PPP3CC: variants seen among roughly 807,000 people sequenced by gnomAD.
PPP3CC encodes the protein serine/threonine-protein phosphatase 2B catalytic subunit gamma isoform.
A neutral mutation model predicts 60.3 loss-of-function variants in PPP3CC; 35 were observed. The observed-to-expected ratio is 0.58, with a 90% CI of 0.44 to 0.77. The LOEUF (loss-of-function observed/expected upper bound fraction) is 0.77. Ranked by LOEUF, PPP3CC falls within the 30% of genes least tolerant of loss-of-function variation. The pLI is 0.00. For missense variants in PPP3CC, 570 were observed against 628.9 expected (o/e 0.91, Z 1.00); for synonymous variants, 206 against 224.3 (o/e 0.92, Z 0.73).
intron 3 of PPP3CC, 34 bp downstream of exon 3, chr8:22,475,658 T>C (rs1586811832): frequency 7.2e-6 from 11 of 1,533,396 alleles, no homozygotes; most frequent in South Asian, 1.3e-5. Context: ...GGGACTATTA[T>C]ATTGTCTTTC....
rs752303443 is a variant in PPP3CC, at chr8:22,441,470, G to C, written c.49+12G>C. 1.3e-6 allele frequency: 2 copies of C among 1,531,432 alleles called. No individual in the cohort carries two copies. The highest frequency in any genetic ancestry group is 8.8e-7 in the Non-Finnish European group (1 of 1,137,960). 94.9% of individuals were successfully genotyped at this position (1,531,432 alleles called of 1,614,324 possible). A position where few individuals can be genotyped will look rare whatever the true frequency, so the allele number is the denominator to read the frequency against. On this transcript the variant is annotated intron_variant, in intron 1 of 13. Coordinates refer to ENST00000240139, the MANE Select transcript of PPP3CC (RefSeq NM_005605.5). ...CCGCGTCATCAAAGGTGCCTGGCGG[G>C]CCGGGCCTTCCTCTGGGACCCGCGG...
intron 4 of PPP3CC, among the ~76,000 whole-genome samples, chr8:22,509,549 T>C (rs893961943): frequency 6.6e-6 from 1 of 152,198 alleles, no homozygotes; most frequent in Admixed American, 6.5e-5. Context: ...TTTTTCTCTT[T>C]AAACACCCAT....
chr8:22,514,190 G>A (rs1163646612), intron 6 of PPP3CC, among the ~76,000 whole-genome samples: 1 of 147,508 alleles, frequency 6.8e-6, no homozygotes, highest in African/African-American at 2.5e-5. Flanking sequence ...GTAGGTTGCA[G>A]TGAGCCAAGA....
chr8:22,468,773 A>G (rs2132458027), intron 1 of PPP3CC, among the ~76,000 whole-genome samples: 1 of 152,358 alleles, frequency 6.6e-6, no homozygotes, highest in East Asian at 1.9e-4. Context: ...CCTTTTAAAT[A>G]GAGAAAGTAT....
At chr8:22,483,669 A>G (rs1586820463) in intron 3 of PPP3CC, among the ~76,000 whole-genome samples, 1 of 152,198 alleles carries the variant, frequency 6.6e-6, no homozygotes, top group East Asian at 1.9e-4. Context: ...AAACCCTATT[A>G]CAATTTCACT....
chr8:22,445,102 C>G (rs1836783576), intron 1 of PPP3CC, among the ~76,000 whole-genome samples: 1 of 152,164 alleles, frequency 6.6e-6, no homozygotes, highest in Non-Finnish European at 1.5e-5. Flanking sequence ...CTCCCTTTCT[C>G]TTAGAATTCA....
rs556546643 is a variant in PPP3CC, at chr8:22,491,346, A to T, written c.373-6655A>T. ...CTCACATCCCTCCTTCCAGAATATGATTTTATCTCATATTATAATACTTGC... is the reference window on the plus strand; with the variant it reads ...CTCACATCCCTCCTTCCAGAATATGTTTTTATCTCATATTATAATACTTGC... On this transcript the variant is annotated intron_variant, in intron 3 of 13. Transcript: ENST00000240139. 2.6e-5 allele frequency among the ~76,000 whole-genome samples: 4 copies of T among 152,214 alleles called. No individual in the cohort carries two copies. The South Asian group carries it at 8.3e-4, about 32-fold the overall frequency.
intron 12 of PPP3CC, among the ~76,000 whole-genome samples, chr8:22,537,869 T>G (rs1307098729): frequency 6.6e-6 from 1 of 152,202 alleles, no homozygotes; most frequent in Non-Finnish European, 1.5e-5. Flanking sequence ...GAAAGTAGAT[T>G]CGTGTTCAAC....
At chr8:22,475,373 T>G in intron 2 of PPP3CC, 127 bp from the exon 3 acceptor site, 3 of 1,158,352 alleles carry the variant, frequency 2.6e-6, no homozygotes, top group Non-Finnish European at 3.7e-6. Flanking sequence ...TTGACTACAG[T>G]TTTACAGCAG....
chr8:22,518,669 T>C (rs1839318281), intron 6 of PPP3CC, among the ~76,000 whole-genome samples: 1 of 152,166 alleles, frequency 6.6e-6, no homozygotes, highest in Non-Finnish European at 1.5e-5. Flanking sequence ...CAGAGAATGA[T>C]GTATTGAAGT....
Position 22,475,044 on chromosome 8 carries a change from T to C in PPP3CC, c.140T>C (p.Val47Ala), listed in dbSNP as rs1197222442. The C allele has an allele frequency of 1.9e-6, 3 of 1,613,328 alleles. No homozygotes were observed. In the South Asian group the frequency reaches 3.3e-5, roughly 18 times the overall value. Residue 47 changes from valine (V) to alanine (A), a missense_variant, in exon 2 of 14, where the codon GTA becomes GCA. Coordinates refer to ENST00000240139, the MANE Select transcript of PPP3CC (RefSeq NM_005605.5). The stretch of plus-strand genomic sequence containing the variant: ...GTTGATGTTTTAAAAAACCATTTGG[T>C]AAAGGAAGGACGACTGGAAGAGGAA... ...PKVDVLKNHL[V>A]KEGRLEEEVA...
intron 4 of PPP3CC, among the ~76,000 whole-genome samples, chr8:22,509,284 T>A (rs1839014532): frequency 6.6e-6 from 1 of 152,158 alleles, no homozygotes; most frequent in Non-Finnish European, 1.5e-5. Context: ...TAAATATGTC[T>A]TTCTAAAGGC....
At chr8:22,524,093 T>TA (rs1365235666) in intron 8 of PPP3CC, among the ~76,000 whole-genome samples, 2 of 152,210 alleles carry the variant, frequency 1.3e-5, no homozygotes, top group Non-Finnish European at 2.9e-5. Flanking sequence ...AAATGGATAT[T>TA]AAAGTGTTGT....
chr8:22,505,896 T>A (rs1838902374), intron 4 of PPP3CC, among the ~76,000 whole-genome samples: 1 of 151,994 alleles, frequency 6.6e-6, no homozygotes, highest in African/African-American at 2.4e-5. Context: ...GGAGGGCATC[T>A]TTTCTTTTTT....
intron 6 of PPP3CC, among the ~76,000 whole-genome samples, chr8:22,522,137 A>ACG (rs1162988533): frequency 9.1e-6 from 1 of 109,456 alleles, no homozygotes; most frequent in East Asian, 2.9e-4. Flanking sequence ...CTACACACAC[A>ACG]CGCACACACA....
In PPP3CC at chr8:22,479,844, T is replaced by A. The variant is rs532634914; in HGVS notation, c.372+4220T>A. Among the ~76,000 whole-genome samples the A allele has an allele frequency of 8.3e-4, 126 of 152,034 alleles. 1 individual carries two copies. The highest frequency in any genetic ancestry group is 2.8e-3 in the African/African-American group (116 of 41,494). ...TGTCTGAAGAAAAGAGAAGGTTAGG[T>A]TTTATGAGAAAGAAAAATGTTATGT... On this transcript the variant is annotated intron_variant, in intron 3 of 13. Transcript: ENST00000240139.
intron 3 of PPP3CC, among the ~76,000 whole-genome samples, chr8:22,486,194 G>A (rs1838219278): frequency 6.6e-6 from 1 of 152,100 alleles, no homozygotes; most frequent in Non-Finnish European, 1.5e-5. Flanking sequence ...TTTATAGCAG[G>A]TCATGCTATT....
chr8:22,443,054 A>G (rs1836720232), intron 1 of PPP3CC, among the ~76,000 whole-genome samples: 1 of 152,176 alleles, frequency 6.6e-6, no homozygotes. Context: ...AATAAATAGG[A>G]TCTTAGTGAA....
intron 4 of PPP3CC, among the ~76,000 whole-genome samples, chr8:22,506,446 C>G (rs551104763): frequency 6.6e-6 from 1 of 151,794 alleles, no homozygotes; most frequent in Non-Finnish European, 1.5e-5. Context: ...TTCTTAAGTA[C>G]GAAAAGCAAG....
Sources: allele counts gnomAD v4.1 joint callset (sites outside exome capture counted in the v4.1 genomes callset), GRCh38; gene constraint gnomAD v4.1.1; transcripts MANE v1.5; gene names NCBI Gene and HGNC (gene_info 2026-07-23, HGNC 2026-07-21).